The following SYN2 variants were observed in gnomAD, a reference collection of about 807,000 sequenced individuals.
The protein encoded by SYN2 is synapsin-2.
SYN2 carries 19 observed loss-of-function variants against 50.9 expected under a neutral mutation model. The observed-to-expected ratio is 0.37, with a 90% CI of 0.26 to 0.55. SYN2 has a LOEUF of 0.55. Ranked by LOEUF, SYN2 falls within the 20% of genes least tolerant of loss-of-function variation. The probability of loss-of-function intolerance (pLI) is 0.81; values close to 1 mark genes in which losing one functional copy is unlikely to be tolerated. For missense variants in SYN2, 587 were observed against 576.4 expected (o/e 1.02, Z -0.19); for synonymous variants, 255 against 224.9 (o/e 1.13, Z -1.20).
intron 5 of SYN2, among the ~76,000 whole-genome samples, chr3:12,160,036 C>A (rs1697603320): frequency 9.1e-6 from 1 of 110,410 alleles, no homozygotes. Context: ...GAGTGAGACT[C>A]CGTCTCAAAA....
chr3:12,015,892 C>CT (rs992065484), intron 1 of SYN2, among the ~76,000 whole-genome samples: 1 of 152,192 alleles, frequency 6.6e-6, no homozygotes, highest in Non-Finnish European at 1.5e-5. Context: ...ACTATAATCC[C>CT]TTTTCCAGGA....
chr3:12,132,577 C>G (rs1182042465), intron 1 of SYN2, among the ~76,000 whole-genome samples: 1 of 152,216 alleles, frequency 6.6e-6, no homozygotes, highest in Non-Finnish European at 1.5e-5. Context: ...TCTTTACAGA[C>G]TGAAGACGAC....
intron 5 of SYN2, among the ~76,000 whole-genome samples, chr3:12,160,476 C>T (rs185795266): frequency 6.6e-6 from 1 of 152,240 alleles, no homozygotes; most frequent in African/African-American, 2.4e-5. Flanking sequence ...TCAAAGGATA[C>T]CTTTTCATTT....
In SYN2 at chr3:12,190,975, C is replaced by T; in HGVS notation, c.*350C>T. ...GTGAAACCAGGATTAATCGTGGACT[C>T]CTGGCAGCTTAACCTAGCTCAGTTG... On this transcript the variant is annotated 3_prime_UTR_variant, in exon 13 of 13. Coordinates refer to ENST00000621198, the MANE Select transcript of SYN2 (RefSeq NM_133625.6). 1 of 1,034,494 alleles carries T rather than the reference C, an allele frequency of 9.7e-7. No homozygotes were observed. Among genetic ancestry groups the T allele is most frequent in the Middle Eastern group, 4.6e-4 (1 of 2,178 alleles). The allele number at this position is 1,034,494 out of a possible 1,614,324, so 64.1% of individuals were successfully genotyped here. A position where few individuals can be genotyped will look rare whatever the true frequency, so the allele number is the denominator to read the frequency against.
intron 1 of SYN2, among the ~76,000 whole-genome samples, chr3:12,028,359 A>C (rs1217260606): frequency 1.3e-5 from 2 of 149,608 alleles, no homozygotes; most frequent in Non-Finnish European, 3.0e-5. Context: ...TCTTTATAGC[A>C]GCATGATTTA....
At chr3:12,151,570 A>G (rs374963217) in intron 5 of SYN2, among the ~76,000 whole-genome samples, 7 of 152,344 alleles carry the variant, frequency 4.6e-5, no homozygotes, top group Non-Finnish European at 8.8e-5. Context: ...GAGAATAACA[A>G]ACTTCTGGAC....
chr3:12,078,367 A>G (rs1400450337), intron 1 of SYN2, among the ~76,000 whole-genome samples: 11 of 151,384 alleles, frequency 7.3e-5, no homozygotes, highest in Admixed American at 7.3e-4. Context: ...TTTCATCATG[A>G]CATCTTTGTC....
intron 1 of SYN2, among the ~76,000 whole-genome samples, chr3:12,096,734 A>G (rs76958853): frequency 6.6e-6 from 1 of 152,108 alleles, no homozygotes; most frequent in Non-Finnish European, 1.5e-5. Flanking sequence ...CTCTCCATAT[A>G]TAGTAGAAGT....
rs554809664 is a variant in SYN2 at position 12,005,253 on chromosome 3, C to T, written c.377+325C>T. 1.3e-5 allele frequency among the ~76,000 whole-genome samples: 2 copies of T among 152,232 alleles called. 1 individual carries two copies. The highest frequency in any genetic ancestry group is 4.8e-5 in the African/African-American group (2 of 41,540). ...TTTTGGGGGTAGAGGAGGGGACACACTTGTTAGCTTAGACACATAAAATCT... is the reference window on the plus strand; with the variant it reads ...TTTTGGGGGTAGAGGAGGGGACACATTTGTTAGCTTAGACACATAAAATCT... On this transcript the variant is annotated intron_variant, in intron 1 of 12. Transcript: ENST00000621198.
Position 12,186,149 on chromosome 3 carries a change from A to G in SYN2, c.1370-1220A>G, listed in dbSNP as rs146814327. Reference sequence around the variant, plus strand: ...GATGTTCTGGTGTTTCTTAAAAACTAAGTGATAATACAACTAGCTGGTGCT... The same window carrying G: ...GATGTTCTGGTGTTTCTTAAAAACTGAGTGATAATACAACTAGCTGGTGCT... On this transcript the variant is annotated intron_variant, in intron 11 of 12. Transcript: ENST00000621198. Among the ~76,000 whole-genome samples, 37 of 152,288 alleles carry G rather than the reference A, an allele frequency of 2.4e-4. No individual in the cohort carries two copies. In the East Asian group the frequency reaches 6.9e-3, roughly 29 times the overall value.
At chr3:12,129,185 T>C (rs1308040921) in intron 1 of SYN2, among the ~76,000 whole-genome samples, 1 of 152,144 alleles carries the variant, frequency 6.6e-6, no homozygotes, top group Non-Finnish European at 1.5e-5. Flanking sequence ...GAAACTACTT[T>C]TGTTCAGATA....
At chr3:12,157,053 T>C (rs1261427052) in intron 5 of SYN2, 5 of 724,822 alleles carry the variant, frequency 6.9e-6, no homozygotes, top group Non-Finnish European at 2.3e-6. Context: ...GTTGAGGATT[T>C]TGTGTCCTCA....
intron 1 of SYN2, among the ~76,000 whole-genome samples, chr3:12,009,098 A>G (rs1281635802): frequency 1.3e-5 from 2 of 152,224 alleles, no homozygotes; most frequent in Non-Finnish European, 1.5e-5. Flanking sequence ...TCTTTGTTTA[A>G]TACTTTAAGC....
intron 1 of SYN2, among the ~76,000 whole-genome samples, chr3:12,076,676 T>A (rs1695474386): frequency 6.6e-6 from 1 of 152,100 alleles, no homozygotes; most frequent in Non-Finnish European, 1.5e-5. Context: ...AGCAATTCTG[T>A]TAGGTAAGTA....
intron 1 of SYN2, among the ~76,000 whole-genome samples, chr3:12,078,785 A>G (rs1695525835): frequency 6.6e-6 from 1 of 152,068 alleles, no homozygotes; most frequent in Non-Finnish European, 1.5e-5. Flanking sequence ...TTGGCTATAC[A>G]AGCTCTTGTT....
intron 1 of SYN2, among the ~76,000 whole-genome samples, chr3:12,117,933 G>A (rs1440127859): frequency 6.6e-6 from 1 of 152,196 alleles, no homozygotes; most frequent in African/African-American, 2.4e-5. Flanking sequence ...GAGGGTGTTA[G>A]ATGATATGAC....
At chr3:12,097,772 C>T (rs1022578188) in intron 1 of SYN2, among the ~76,000 whole-genome samples, 16 of 152,154 alleles carry the variant, frequency 1.1e-4, no homozygotes, top group African/African-American at 3.9e-4. Context: ...CCAAACCCCA[C>T]ATGTTCTCAC....
chr3:12,065,614 C>T (rs1019529298), intron 1 of SYN2, among the ~76,000 whole-genome samples: 4 of 152,118 alleles, frequency 2.6e-5, no homozygotes, highest in East Asian at 1.9e-4. Context: ...AAACCAAATA[C>T]TGCATGTTCT....
intron 1 of SYN2, among the ~76,000 whole-genome samples, chr3:12,101,095 G>C (rs959181086): frequency 5.3e-5 from 8 of 152,156 alleles, no homozygotes; most frequent in Non-Finnish European, 5.9e-5. Flanking sequence ...ATTAAATCTA[G>C]AGTTACCATA....
Sources: gnomAD v4.1 joint callset for allele counts (sites outside exome capture counted in the v4.1 genomes callset) on GRCh38, gnomAD v4.1.1 for gene constraint, MANE v1.5 for transcripts, NCBI Gene and HGNC (gene_info 2026-07-23, HGNC 2026-07-21) for gene names.